PTDSS1: variants seen among roughly 807,000 people sequenced by gnomAD.
PTDSS1 encodes phosphatidylserine synthase 1.
A neutral mutation model predicts 70.5 loss-of-function variants in PTDSS1; 45 were observed. That is an observed-to-expected ratio of 0.64 (90% CI 0.50 to 0.82). The LOEUF is 0.82. PTDSS1 is among the 40% of genes least tolerant of loss of function. The pLI, the probability that PTDSS1 is intolerant of heterozygous loss-of-function variation, is 0.00. For missense variants in PTDSS1, 417 were observed against 586.1 expected, an observed-to-expected ratio of 0.71 and a Z score of 2.98; for synonymous variants, 188 against 203.8, an observed-to-expected ratio of 0.92 and a Z score of 0.66.
Position 96,309,551 on chromosome 8 carries a change from T to G in PTDSS1, c.1008-6T>G, listed in dbSNP as rs1811175858. The G allele has an allele frequency of 6.2e-7, 1 of 1,612,802 alleles. No homozygotes were observed. The highest frequency in any genetic ancestry group is 8.5e-7 in the Non-Finnish European group (1 of 1,178,990). ...CTCTCAATGAATTCCAACTTTGTTC[T>G]TTCAGACAGTACTACGCTTACCTCA... is the stretch of plus-strand genomic sequence containing the variant. On this transcript the variant is annotated splice_region_variant and splice_polypyrimidine_tract_variant and intron_variant, in intron 8 of 12. Transcript: ENST00000517309.
rs193191758 is a variant in PTDSS1 at position 96,266,550 on chromosome 8, A to G, written c.179+4331A>G. 2.5e-3 allele frequency among the ~76,000 whole-genome samples: 374 copies of G among 152,290 alleles called. 2 individuals are homozygous for G. Among genetic ancestry groups the G allele is most frequent in the Non-Finnish European group, 4.3e-3 (293 of 68,026 alleles). On this transcript the variant is annotated intron_variant, in intron 1 of 12. Transcript: ENST00000517309. ...TTCCCTCTTGACCACATAAATTCCCATTAGAAAATGTCCCCTGATACTGCT... is the reference window on the plus strand; with the variant it reads ...TTCCCTCTTGACCACATAAATTCCCGTTAGAAAATGTCCCCTGATACTGCT...
chr8:96,305,994 G>A (rs1037752457), intron 7 of PTDSS1, among the ~76,000 whole-genome samples: 30 of 152,164 alleles, frequency 2.0e-4, no homozygotes, highest in Non-Finnish European at 1.5e-5. Flanking sequence ...AGCCTCTTTT[G>A]ATTGTTAAAG....
intron 3 of PTDSS1, among the ~76,000 whole-genome samples, chr8:96,284,794 T>C (rs558477499): frequency 8.5e-5 from 13 of 152,360 alleles, no homozygotes; most frequent in African/African-American, 2.6e-4. Flanking sequence ...TGTAATCTTA[T>C]GTAAAAATGT....
chr8:96,310,305 C>T (rs1442842808), intron 9 of PTDSS1, among the ~76,000 whole-genome samples: 2 of 151,012 alleles, frequency 1.3e-5, no homozygotes, highest in Non-Finnish European at 3.0e-5. Context: ...GCTGGGATTA[C>T]AGGTGCGCAC....
chr8:96,325,178 G>A (rs1438631346), intron 10 of PTDSS1, among the ~76,000 whole-genome samples: 1 of 152,174 alleles, frequency 6.6e-6, no homozygotes, highest in Admixed American at 6.5e-5. Flanking sequence ...GGAAACAAAG[G>A]CACAAAGAAG....
At chr8:96,333,427 G>A (rs768673178) in intron 12 of PTDSS1, 30 bp from the exon 13 acceptor site, 1 of 1,577,588 alleles carries the variant, frequency 6.3e-7, no homozygotes, top group Non-Finnish European at 8.7e-7. Context: ...AGAGCCCAGG[G>A]TGACGGTGTG....
chr8:96,288,433 T>A (rs1810853873), intron 4 of PTDSS1, among the ~76,000 whole-genome samples: 1 of 152,016 alleles, frequency 6.6e-6, no homozygotes. Flanking sequence ...CAAGCGATTA[T>A]CCTGCTTCAG....
intron 2 of PTDSS1, among the ~76,000 whole-genome samples, chr8:96,282,938 C>T (rs569707776): frequency 6.6e-5 from 10 of 151,976 alleles, no homozygotes; most frequent in African/African-American, 2.4e-4. Context: ...AGGAAACCAA[C>T]CATATTCTGA....
chr8:96,276,419 TG>T (rs1810641966), intron 2 of PTDSS1, among the ~76,000 whole-genome samples: 1 of 152,224 alleles, frequency 6.6e-6, no homozygotes, highest in Non-Finnish European at 1.5e-5. Flanking sequence ...ACTGTGCTTT[TG>T]TTTTGATTCT....
intron 7 of PTDSS1, among the ~76,000 whole-genome samples, chr8:96,305,982 C>T: frequency 6.6e-6 from 1 of 152,306 alleles, no homozygotes; most frequent in African/African-American, 2.4e-5. Flanking sequence ...TGCATGGCCT[C>T]AAGCCTCTTT....
At position 96,291,453 on chromosome 8, in the gene PTDSS1, T is replaced by A. The variant is rs201873232; in HGVS notation, c.442-3645T>A. Among the ~76,000 whole-genome samples, 91 of 123,126 alleles carry A rather than the reference T, an allele frequency of 7.4e-4. 1 individual carries two copies. The East Asian group carries it at 0.016, about 22-fold the overall frequency. 80.8% of individuals were successfully genotyped at this position (123,126 alleles called of 152,430 possible). On this transcript the variant is annotated intron_variant, in intron 4 of 12. Coordinates refer to ENST00000517309, the MANE Select transcript of PTDSS1 (RefSeq NM_014754.3). ...TAAACCTAAAATAGATGGGCTTTTC[T>A]TTTTTTTTTTTTTTTTGGCATAACC...
At chr8:96,276,978 G>GCACACACACACACACACACA (rs1157385221) in intron 2 of PTDSS1, among the ~76,000 whole-genome samples, 2 of 129,634 alleles carry the variant, frequency 1.5e-5, no homozygotes, top group African/African-American at 5.4e-5. Context: ...GCGCACGCGC[G>GCACACACACACACACACACA]CGCACACACA....
intron 5 of PTDSS1, among the ~76,000 whole-genome samples, chr8:96,298,542 C>A (rs1026290318): frequency 2.6e-5 from 4 of 152,076 alleles, no homozygotes; most frequent in Admixed American, 2.6e-4. Flanking sequence ...TTACTGTTTC[C>A]CCTTCCTGGA....
At position 96,320,266 on chromosome 8, in the gene PTDSS1, C is replaced by A. The variant is rs1158118350; in HGVS notation, c.1094C>A (p.Ala365Asp). Residue 365 changes from alanine (A) to aspartate (D), a missense_variant, in exon 10 of 13, where the codon GCC becomes GAC. By Grantham distance (126) the Ala-to-Asp change is moderately radical (BLOSUM62 -2). This residue lies in a region of PTDSS1 where 272 missense variants were observed against 429.5 expected (regional missense o/e 0.63). Transcript: ENST00000517309. ...WVFGVIGFLE[A>D]IVCIKFGQDL... ...ATTAGGGTCATTGGTTTCCTGGAGG[C>A]CATTGTTTGCATAAAATTTGGACAA... The A allele has an allele frequency of 6.2e-7, 1 of 1,610,716 alleles. No homozygotes were observed. The highest frequency in any genetic ancestry group is 1.7e-5 in the Admixed American group (1 of 59,998).
At position 96,317,071 on chromosome 8, in the gene PTDSS1, G is replaced by GTGTGTGTATA. The variant is rs33916906; in HGVS notation, c.1074-3174_1074-3173insGTGTGTATAT. ...TGTATATATATATGTGTGTGTGTGT[G>GTGTGTGTATA]TATATATATATGGAGAGAGAGAGAG... On this transcript the variant is annotated intron_variant, in intron 9 of 12. Coordinates refer to ENST00000517309, the MANE Select transcript of PTDSS1 (RefSeq NM_014754.3). Among the ~76,000 whole-genome samples the GTGTGTGTATA allele has an allele frequency of 2.0e-3, 290 of 148,610 alleles. 4 individuals carry two copies. The highest frequency in any genetic ancestry group is 6.3e-3 in the African/African-American group (251 of 39,788).
At chr8:96,267,807 C>T (rs1053565002) in intron 1 of PTDSS1, among the ~76,000 whole-genome samples, 2 of 152,114 alleles carry the variant, frequency 1.3e-5, no homozygotes, top group African/African-American at 2.4e-5. Flanking sequence ...CACCCAACAC[C>T]CAGCAGGCCC....
chr8:96,284,760 C>G (rs1810797492), intron 3 of PTDSS1, among the ~76,000 whole-genome samples: 1 of 152,190 alleles, frequency 6.6e-6, no homozygotes, highest in Non-Finnish European at 1.5e-5. Flanking sequence ...AAATAAGTCA[C>G]CAAATTATTT....
chr8:96,262,279 G>A lies in PTDSS1; in HGVS notation c.179+60G>A. On this transcript the variant is annotated intron_variant, in intron 1 of 12. Coordinates refer to ENST00000517309, the MANE Select transcript of PTDSS1 (RefSeq NM_014754.3). The surrounding 1 kb of genome is among the most constrained non-coding windows in gnomAD (Gnocchi z 4.4). ...AGGGCTAGGGAAGAGGCGGGAGGGA[G>A]GGTGGCGGGGAGGGGGGCCCGGCAT... 6.7e-7 allele frequency: 1 copy of A among 1,502,198 alleles called. No homozygotes were observed. The highest frequency in any genetic ancestry group is 9.1e-7 in the Non-Finnish European group (1 of 1,097,300). 93.1% of individuals were successfully genotyped at this position (1,502,198 alleles called of 1,614,324 possible).
intron 2 of PTDSS1, among the ~76,000 whole-genome samples, chr8:96,282,663 C>G (rs1015605564): frequency 6.6e-6 from 1 of 152,126 alleles, no homozygotes; most frequent in Non-Finnish European, 1.5e-5. Context: ...AAGAACTTGA[C>G]TTATCAAAAG....
Sources: gnomAD v4.1 joint callset for allele counts (sites outside exome capture counted in the v4.1 genomes callset) on GRCh38, gnomAD v4.1.1 for gene constraint, gnomAD v4.1.1 regional missense constraint, Gnocchi (gnomAD v3.1) non-coding constraint, MANE v1.5 for transcripts, NCBI Gene and HGNC (gene_info 2026-07-23, HGNC 2026-07-21) for gene names.